The following COMMD1 variants were observed in gnomAD, a reference collection of about 807,000 sequenced individuals.
COMMD1 encodes COMM domain-containing protein 1.
COMMD1 carries 10 observed loss-of-function variants against 17.2 expected under a neutral mutation model. The observed-to-expected ratio is 0.58, with a 90% CI of 0.36 to 0.99. COMMD1 has a LOEUF of 0.99. Among genes scored for constraint, COMMD1 ranks in the 50% least tolerant of loss-of-function variants. The pLI is 0.01. For synonymous variants in COMMD1, 97 were observed against 91.6 expected (o/e 1.06, Z -0.34); for missense variants, 270 against 231.8 (o/e 1.17, Z -1.07).
At chr2:61,983,914 G>C (rs184112753) in intron 1 of COMMD1, among the ~76,000 whole-genome samples, 266 of 152,198 alleles carry the variant, frequency 1.7e-3, no homozygotes, top group African/African-American at 5.4e-3. Context: ...TCTTTAAGAT[G>C]CATCATTATG....
At chr2:62,130,031 C>T (rs1043249252) in intron 2 of COMMD1, among the ~76,000 whole-genome samples, 19 of 151,714 alleles carry the variant, frequency 1.3e-4, no homozygotes, top group African/African-American at 4.4e-4. Flanking sequence ...AAAAATTAGC[C>T]GGGCGTGGTG....
intron 1 of COMMD1, among the ~76,000 whole-genome samples, chr2:61,962,562 G>C (rs1468682735): frequency 6.6e-6 from 1 of 152,166 alleles, no homozygotes; most frequent in Non-Finnish European, 1.5e-5. Context: ...TGGGGCTGGA[G>C]ATTGAGTTAA....
At chr2:61,899,003 C>T (rs1669606372) in intron 1 of COMMD1, among the ~76,000 whole-genome samples, 1 of 152,202 alleles carries the variant, frequency 6.6e-6, no homozygotes, top group Admixed American at 6.5e-5. Flanking sequence ...ATAGCAGCCC[C>T]TGGTGGCACA....
At chr2:62,040,951 C>T (rs994942836) in intron 2 of COMMD1, among the ~76,000 whole-genome samples, 2 of 152,146 alleles carry the variant, frequency 1.3e-5, no homozygotes, top group Admixed American at 6.5e-5. Flanking sequence ...CCTCAAGTGG[C>T]CTGCCCACCT....
intron 1 of COMMD1, among the ~76,000 whole-genome samples, chr2:61,993,269 C>T (rs1388859593): frequency 6.6e-6 from 1 of 152,184 alleles, no homozygotes; most frequent in African/African-American, 2.4e-5. Context: ...TCAGAGGGGA[C>T]ATATTATTAG....
chr2:62,107,680 C>T (rs1474305716), intron 2 of COMMD1, among the ~76,000 whole-genome samples: 1 of 152,164 alleles, frequency 6.6e-6, no homozygotes, highest in Non-Finnish European at 1.5e-5. Flanking sequence ...CTTTGAAAGC[C>T]TTGACCACCA....
Position 62,069,981 on chromosome 2 carries a change from C to G in COMMD1, c.463-65850C>G, listed in dbSNP as rs563623585. 10 of 152,310 alleles carry G rather than the reference C, an allele frequency of 6.6e-5. No individual in the cohort carries two copies. In the East Asian group the frequency reaches 9.6e-4, roughly 15 times the overall value. 9.4% of individuals were successfully genotyped at this position (152,310 alleles called of 1,614,324 possible). On this transcript the variant is annotated intron_variant, in intron 2 of 2. Transcript: ENST00000311832. ...AATATTTCAATTCTGATGCTAACCA[C>G]TCAAAAGTTAGCATAGACCCCACAA...
intron 1 of COMMD1, among the ~76,000 whole-genome samples, chr2:61,967,865 A>AT (rs1193757616): frequency 6.6e-6 from 1 of 152,208 alleles, no homozygotes; most frequent in Admixed American, 6.5e-5. Context: ...ATTTTGCTCT[A>AT]TTTTAAGAAA....
chr2:61,951,201 T>TA (rs1321984401), intron 1 of COMMD1, among the ~76,000 whole-genome samples: 1 of 152,138 alleles, frequency 6.6e-6, no homozygotes, highest in African/African-American at 2.4e-5. Flanking sequence ...CAGTGGCTTA[T>TA]ATCTGTAATC....
chr2:62,021,990 ACTC>A (rs1669623972), intron 2 of COMMD1, among the ~76,000 whole-genome samples: 1 of 38,128 alleles, frequency 2.6e-5, no homozygotes, highest in Non-Finnish European at 4.5e-5. Context: ...ATTTTTATAA[ACTC>A]CTATTTTTTT....
intron 1 of COMMD1, among the ~76,000 whole-genome samples, chr2:61,992,482 A>T (rs1174850612): frequency 1.3e-5 from 2 of 152,186 alleles, no homozygotes; most frequent in African/African-American, 4.8e-5. Context: ...GGGGTCTGCA[A>T]ACATCAGCCC....
chr2:62,114,675 T>C (rs150221215), intron 2 of COMMD1, among the ~76,000 whole-genome samples: 5 of 151,854 alleles, frequency 3.3e-5, no homozygotes, highest in Admixed American at 3.3e-4. Flanking sequence ...CAGACTGGAG[T>C]CTTGTTTGTG....
chr2:61,983,798 T>C lies in COMMD1; in HGVS notation c.181-16903T>C, dbSNP rs117798385. On this transcript the variant is annotated intron_variant, in intron 1 of 2. Coordinates refer to ENST00000311832, the MANE Select transcript of COMMD1 (RefSeq NM_152516.4). ...CAAAAAACCAACTGCATTTTGTTGA[T>C]CTTTGGTATAGTTTTCTACATTTCA... Among the ~76,000 whole-genome samples, 90 of 152,318 alleles carry C rather than the reference T, an allele frequency of 5.9e-4. 1 individual carries two copies. The East Asian group carries it at 0.015, about 25-fold the overall frequency.
intron 1 of COMMD1, among the ~76,000 whole-genome samples, chr2:61,889,500 C>T (rs958984915): frequency 6.6e-6 from 1 of 152,138 alleles, no homozygotes; most frequent in African/African-American, 2.4e-5. Flanking sequence ...CGTGAGCCAC[C>T]GCGCCCACCC....
At chr2:61,916,240 G>A (rs899805796) in intron 1 of COMMD1, among the ~76,000 whole-genome samples, 5 of 152,174 alleles carry the variant, frequency 3.3e-5, no homozygotes, top group Non-Finnish European at 7.3e-5. Flanking sequence ...GGGATTACAA[G>A]CCTGAACCAC....
chr2:61,958,527 A>T (rs1558536938), intron 1 of COMMD1, among the ~76,000 whole-genome samples: 1 of 152,074 alleles, frequency 6.6e-6, no homozygotes, highest in Non-Finnish European at 1.5e-5. Flanking sequence ...TTGGCCTCCC[A>T]AAGTGCTGGG....
chr2:61,894,890 GTTTCA>G (rs1669521601), intron 1 of COMMD1, among the ~76,000 whole-genome samples: 1 of 151,444 alleles, frequency 6.6e-6, no homozygotes, highest in African/African-American at 2.4e-5. Flanking sequence ...TAGAGGCAGG[GTTTCA>G]CCACGTTGGC....
chr2:61,951,884 C>A (rs1337254731), intron 1 of COMMD1, among the ~76,000 whole-genome samples: 4 of 152,202 alleles, frequency 2.6e-5, no homozygotes, highest in Non-Finnish European at 5.9e-5. Flanking sequence ...TAAATGGAAT[C>A]ATACAATACT....
At chr2:62,054,138 G>A (rs539889610) in intron 2 of COMMD1, among the ~76,000 whole-genome samples, 4 of 152,012 alleles carry the variant, frequency 2.6e-5, no homozygotes, top group African/African-American at 7.2e-5. Context: ...AATGCAAATC[G>A]AAACCACAAT....
Sources: allele counts gnomAD v4.1 joint callset (sites outside exome capture counted in the v4.1 genomes callset), GRCh38; gene constraint gnomAD v4.1.1; transcripts MANE v1.5; gene names NCBI Gene and HGNC (gene_info 2026-07-23, HGNC 2026-07-21).